Variants in SULF1 observed in about 807,000 individuals in gnomAD.
SULF1 encodes extracellular sulfatase Sulf-1.
In SULF1, 46 loss-of-function variants were observed where a neutral mutation model predicts 110.5. The observed-to-expected ratio is 0.42, with a 90% CI of 0.33 to 0.53. SULF1 has a LOEUF of 0.53. SULF1 is among the 20% of genes least tolerant of loss of function. The pLI is 0.12. For missense variants in SULF1, 941 were observed against 1,094.2 expected, an observed-to-expected ratio of 0.86 and a Z score of 1.98; for synonymous variants, 371 against 387.1, an observed-to-expected ratio of 0.96 and a Z score of 0.49.
chr8:69,516,556 T>C (rs1563487532), intron 3 of SULF1, among the ~76,000 whole-genome samples: 2 of 152,184 alleles, frequency 1.3e-5, no homozygotes, highest in Non-Finnish European at 2.9e-5. Flanking sequence ...ATATCATACC[T>C]CTTGGATGAG....
chr8:69,529,824 G>A (rs1812960697), intron 3 of SULF1, among the ~76,000 whole-genome samples: 1 of 152,184 alleles, frequency 6.6e-6, no homozygotes, highest in South Asian at 2.1e-4. Context: ...CAAGGCAGAA[G>A]CTGCAAAGTT....
intron 6 of SULF1, among the ~76,000 whole-genome samples, chr8:69,581,886 C>G (rs749447839): frequency 2.0e-5 from 3 of 152,072 alleles, no homozygotes; most frequent in African/African-American, 7.2e-5. Flanking sequence ...ACCCAAGGCC[C>G]CCATCAGCCT....
intron 5 of SULF1, among the ~76,000 whole-genome samples, chr8:69,575,260 A>G (rs1009284193): frequency 1.3e-5 from 2 of 152,022 alleles, no homozygotes; most frequent in African/African-American, 2.4e-5. Context: ...TAAAGTTAAA[A>G]TGGAATATTT....
chr8:69,636,022 G>T (rs188942500), intron 19 of SULF1, among the ~76,000 whole-genome samples: 1 of 152,246 alleles, frequency 6.6e-6, no homozygotes, highest in Admixed American at 6.5e-5. Context: ...TCAAGAGGTA[G>T]CTTTGGGGAT....
At chr8:69,588,717 C>T (rs543941214) in intron 7 of SULF1, among the ~76,000 whole-genome samples, 1 of 151,764 alleles carries the variant, frequency 6.6e-6, no homozygotes, top group Non-Finnish European at 1.5e-5. Context: ...TTTTTTTTTC[C>T]CCATTGCTAA....
intron 5 of SULF1, among the ~76,000 whole-genome samples, chr8:69,565,914 C>T (rs901794323): frequency 6.6e-6 from 1 of 152,150 alleles, no homozygotes; most frequent in African/African-American, 2.4e-5. Flanking sequence ...TGCCTTTGCA[C>T]ATCTCATCCC....
intron 19 of SULF1, among the ~76,000 whole-genome samples, chr8:69,634,243 T>G (rs1247941096): frequency 6.6e-6 from 1 of 152,200 alleles, no homozygotes; most frequent in Non-Finnish European, 1.5e-5. Context: ...AATAAGCATA[T>G]GTAGTTTGTT....
chr8:69,595,901 G>A (rs892233522), intron 8 of SULF1, among the ~76,000 whole-genome samples: 4 of 152,166 alleles, frequency 2.6e-5, no homozygotes, highest in Admixed American at 2.6e-4. Flanking sequence ...TTCTTTGCTA[G>A]TAAGAATTAT....
chr8:69,470,187 G>T (rs1254200452), intron 1 of SULF1, among the ~76,000 whole-genome samples: 1 of 152,114 alleles, frequency 6.6e-6, no homozygotes, highest in Non-Finnish European at 1.5e-5. Context: ...CAATATTTTT[G>T]TGTGGAGAAC....
In SULF1 at chr8:69,586,347, C is replaced by T; in HGVS notation, c.413-10C>T. 2 of 1,540,550 alleles carry T rather than the reference C, an allele frequency of 1.3e-6. No homozygotes were observed. The highest frequency in any genetic ancestry group is 2.2e-5 in the Admixed American group (1 of 44,502). The stretch of plus-strand genomic sequence containing the variant: ...TACGTGAAAAAAATAATTCTTTTTT[C>T]CCACTGCAGCCTTTTTTGGAAAATA... On this transcript the variant is annotated splice_polypyrimidine_tract_variant and intron_variant, in intron 6 of 22. Transcript: ENST00000402687.
intron 19 of SULF1, among the ~76,000 whole-genome samples, chr8:69,636,228 T>C (rs2130656424): frequency 6.6e-6 from 1 of 152,232 alleles, no homozygotes; most frequent in Admixed American, 6.5e-5. Context: ...GTTTGTTTAT[T>C]CCTGTAGCAT....
intron 15 of SULF1, among the ~76,000 whole-genome samples, chr8:69,625,557 C>G (rs946449168): frequency 7.2e-5 from 11 of 152,140 alleles, no homozygotes; most frequent in African/African-American, 2.2e-4. Context: ...CTCGCTGGCT[C>G]AGCAGTGAAG....
chr8:69,528,727 T>A (rs1320504853), intron 3 of SULF1, among the ~76,000 whole-genome samples: 1 of 152,180 alleles, frequency 6.6e-6, no homozygotes, highest in Admixed American at 6.5e-5. Context: ...TTAGTCCTGA[T>A]GAGACATATT....
At position 69,624,129 on chromosome 8, in the gene SULF1, C is replaced by A; in HGVS notation, c.1782C>A (p.Asn594Lys). The A allele has an allele frequency of 6.2e-7, 1 of 1,613,558 alleles. No individual in the cohort carries two copies. Among genetic ancestry groups the A allele is most frequent in the Non-Finnish European group, 8.5e-7 (1 of 1,179,616 alleles). Residue 594 changes from asparagine to lysine, a missense_variant, in exon 15 of 23, where the codon AAC becomes AAA. Asn to Lys is a moderately conservative substitution (Grantham distance 94). Transcript: ENST00000402687. ...ATCTCCAGGCTTCCAGTGGTGGCAA[C>A]AGGGGCAGGATGCTGGCAGATAGCA... ...PRDLQASSGGNRGRMLADSSN... is the reference protein window; with the variant it reads ...PRDLQASSGGKRGRMLADSSN...
chr8:69,629,439 C>A, intron 18 of SULF1, 65 bp from the exon 19 acceptor site: 2 of 1,500,112 alleles, frequency 1.3e-6, no homozygotes, highest in Non-Finnish European at 1.8e-6. Flanking sequence ...CTCACAGCAA[C>A]AAGCCTATTT....
chr8:69,528,506 TTC>T (rs1392643311), intron 3 of SULF1, among the ~76,000 whole-genome samples: 1 of 152,222 alleles, frequency 6.6e-6, no homozygotes, highest in African/African-American at 2.4e-5. Context: ...CCTCTTGATT[TTC>T]TCTTACAAAA....
At position 69,585,430 on chromosome 8, in the gene SULF1, T is replaced by A. The variant is rs548631427; in HGVS notation, c.413-927T>A. On this transcript the variant is annotated intron_variant, in intron 6 of 22. Coordinates refer to ENST00000402687, the MANE Select transcript of SULF1 (RefSeq NM_001128205.2). ...GCTAGGTTGTAATGTCTTTTTCACT[T>A]CAAGAATGAACCCATATTGTTCCTG... Among the ~76,000 whole-genome samples, 44 of 152,318 alleles carry A rather than the reference T, an allele frequency of 2.9e-4. No homozygotes were observed. The South Asian group carries it at 7.0e-3, about 24-fold the overall frequency.
chr8:69,620,823 G>T (rs1469853806), intron 13 of SULF1, among the ~76,000 whole-genome samples: 1 of 152,104 alleles, frequency 6.6e-6, no homozygotes, highest in Admixed American at 6.5e-5. Context: ...CAATGATTTC[G>T]TTGTCATCTG....
At chr8:69,506,933 G>T (rs532681491) in intron 3 of SULF1, among the ~76,000 whole-genome samples, 6 of 152,308 alleles carry the variant, frequency 3.9e-5, no homozygotes, top group Admixed American at 3.3e-4. Context: ...ATGCTCAAAA[G>T]CGCAAGTTGG....
Sources: gnomAD v4.1 joint callset for allele counts (sites outside exome capture counted in the v4.1 genomes callset) on GRCh38, gnomAD v4.1.1 for gene constraint, MANE v1.5 for transcripts, NCBI Gene and HGNC (gene_info 2026-07-23, HGNC 2026-07-21) for gene names.